FAM135B: variants seen among roughly 807,000 people sequenced by gnomAD.
FAM135B encodes the protein family with sequence similarity 135 member B, also known as protein FAM135B.
Under a neutral mutation model 127.7 loss-of-function variants are expected in FAM135B, and 43 were observed. The observed-to-expected ratio is 0.34, with a 90% CI of 0.26 to 0.43. The LOEUF is 0.43. FAM135B is among the 20% of genes least tolerant of loss of function. The pLI, the probability that FAM135B is intolerant of heterozygous loss-of-function variation, is 1.00. For synonymous variants in FAM135B, 670 were observed against 665.1 expected, an observed-to-expected ratio of 1.01 and a Z score of -0.11; for missense variants, 1,558 against 1,725.6, an observed-to-expected ratio of 0.90 and a Z score of 1.72.
At chr8:138,334,538 A>G (rs1368461382) in intron 2 of FAM135B, among the ~76,000 whole-genome samples, 1 of 151,132 alleles carries the variant, frequency 6.6e-6, no homozygotes, top group East Asian at 1.9e-4. Flanking sequence ...TATTCTTCCC[A>G]CTCCCAACCT....
chr8:138,461,478 C>G (rs1194264717), intron 1 of FAM135B, among the ~76,000 whole-genome samples: 1 of 152,118 alleles, frequency 6.6e-6, no homozygotes. Flanking sequence ...AATAAATTAC[C>G]ACAAACATAT....
At chr8:138,431,858 G>C (rs563905691) in intron 1 of FAM135B, among the ~76,000 whole-genome samples, 48 of 152,186 alleles carry the variant, frequency 3.2e-4, no homozygotes, top group Non-Finnish European at 6.2e-4. Flanking sequence ...GATTGACAGA[G>C]AGTCAAGAAG....
intron 2 of FAM135B, among the ~76,000 whole-genome samples, chr8:138,334,355 C>T (rs1157687607): frequency 6.6e-6 from 1 of 152,188 alleles, no homozygotes; most frequent in Admixed American, 6.5e-5. Context: ...AGCAAATATT[C>T]ACTTATTCAC....
rs192717194 is a variant in FAM135B at position 138,487,839 on chromosome 8, T to C, written c.-20+8832A>G. Among the ~76,000 whole-genome samples, 408 of 151,898 alleles carry C rather than the reference T, an allele frequency of 2.7e-3. 2 individuals carry two copies. Among genetic ancestry groups the C allele is most frequent in the African/African-American group, 9.5e-3 (393 of 41,424 alleles). On this transcript the variant is annotated intron_variant, in intron 1 of 19. Transcript: ENST00000395297. ...CAACAAGGGGAAATCCCTTATCTAC[T>C]AAAAATACAAAAAAATTAGCCAGGC...
intron 1 of FAM135B, among the ~76,000 whole-genome samples, chr8:138,391,362 C>T (rs1406521058): frequency 6.6e-6 from 1 of 151,880 alleles, no homozygotes; most frequent in Non-Finnish European, 1.5e-5. Flanking sequence ...ATGATCTCCC[C>T]TCAGTCCCAG....
intron 2 of FAM135B, chr8:138,358,243 A>T (rs532855755): frequency 1.3e-5 from 2 of 152,278 alleles, no homozygotes; most frequent in South Asian, 4.1e-4. Context: ...TCAAGATGGT[A>T]TTTGGGTGGG....
At chr8:138,333,212 C>G (rs1021035137) in intron 2 of FAM135B, among the ~76,000 whole-genome samples, 1 of 152,130 alleles carries the variant, frequency 6.6e-6, no homozygotes, top group African/African-American at 2.4e-5. Context: ...CCACAGAGCC[C>G]TGCAACACTT....
At chr8:138,450,508 T>C (rs997752644) in intron 1 of FAM135B, 3 of 152,202 alleles carry the variant, frequency 2.0e-5, no homozygotes, top group Admixed American at 6.5e-5. Context: ...TGCCAGCATT[T>C]GGTGGTGTTG....
intron 1 of FAM135B, among the ~76,000 whole-genome samples, chr8:138,462,731 G>T (rs1030207558): frequency 6.6e-6 from 1 of 152,122 alleles, no homozygotes; most frequent in African/African-American, 2.4e-5. Flanking sequence ...GAAAATGCTA[G>T]GGAATTATGC....
rs905919968 is a variant in FAM135B at position 138,242,595 on chromosome 8, A to G, written c.669+347T>C. On this transcript the variant is annotated intron_variant, in intron 7 of 19. Transcript: ENST00000395297. The surrounding 1 kb of genome is among the most constrained non-coding windows in gnomAD (Gnocchi z 9.6). ...GAGTGCACAAATGAAAGCGGGAGCC[A>G]GGTTTTGAAACCAGACATGGCCTTC... is the stretch of plus-strand genomic sequence containing the variant. Among the ~76,000 whole-genome samples the G allele has an allele frequency of 2.0e-5, 3 of 152,196 alleles. No individual in the cohort carries two copies. The highest frequency in any genetic ancestry group is 6.5e-5 in the Admixed American group (1 of 15,274).
chr8:138,206,943 T>A (rs891774964), intron 7 of FAM135B, among the ~76,000 whole-genome samples: 10 of 151,970 alleles, frequency 6.6e-5, no homozygotes, highest in Non-Finnish European at 1.2e-4. Context: ...AACTCCAGCA[T>A]CCCCTCCACC....
At chr8:138,172,406 C>T (rs1427465396) in intron 11 of FAM135B, among the ~76,000 whole-genome samples, 1 of 152,220 alleles carries the variant, frequency 6.6e-6, no homozygotes, top group Non-Finnish European at 1.5e-5. Flanking sequence ...CTGTAATGCA[C>T]TGTCCTCCTG....
intron 1 of FAM135B, among the ~76,000 whole-genome samples, chr8:138,444,537 G>T (rs924211163): frequency 4.6e-5 from 7 of 152,234 alleles, no homozygotes; most frequent in Admixed American, 1.3e-4. Flanking sequence ...TGAACAACCT[G>T]CTCCTGAATG....
chr8:138,462,701 G>T (rs767388176), intron 1 of FAM135B, among the ~76,000 whole-genome samples: 6 of 152,172 alleles, frequency 3.9e-5, no homozygotes, highest in Non-Finnish European at 7.3e-5. Flanking sequence ...AAGGGAGTTG[G>T]TGCCTTTTAA....
At chr8:138,150,903 G>C (rs964378040) in intron 13 of FAM135B, among the ~76,000 whole-genome samples, 43 of 151,854 alleles carry the variant, frequency 2.8e-4, no homozygotes, top group Admixed American at 9.8e-4. Context: ...TGTATAAAAA[G>C]CATAAATCAA....
chr8:138,199,300 A>G (rs1196542050), intron 7 of FAM135B, among the ~76,000 whole-genome samples: 1 of 152,222 alleles, frequency 6.6e-6, no homozygotes, highest in Non-Finnish European at 1.5e-5. Context: ...CTTGGATAGA[A>G]GTCTCAGGCC....
chr8:138,305,517 G>A (rs1229958934), intron 3 of FAM135B, among the ~76,000 whole-genome samples: 1 of 151,930 alleles, frequency 6.6e-6, no homozygotes, highest in Admixed American at 6.5e-5. Flanking sequence ...CCAATTATTT[G>A]TAACCCTGAA....
rs559921766 is a variant in FAM135B at position 138,473,322 on chromosome 8, C to T, written c.-20+23349G>A. ...AAAGTCTTCTCATAGCATTCCCTTA[C>T]TTAAAAATCCTTCAAGAGTCCGTGG... On this transcript the variant is annotated intron_variant, in intron 1 of 19. Coordinates refer to ENST00000395297, the MANE Select transcript of FAM135B (RefSeq NM_015912.4). Among the ~76,000 whole-genome samples, 4 of 152,258 alleles carry T rather than the reference C, an allele frequency of 2.6e-5. No homozygotes were observed. In the South Asian group the frequency reaches 6.2e-4, roughly 24 times the overall value.
At chr8:138,408,626 TGG>T in intron 1 of FAM135B, among the ~76,000 whole-genome samples, 1 of 152,216 alleles carries the variant, frequency 6.6e-6, no homozygotes, top group Non-Finnish European at 1.5e-5. Flanking sequence ...CTTGCATGGC[TGG>T]GGGGCCTTAG....
Sources: gnomAD v4.1 joint callset for allele counts (sites outside exome capture counted in the v4.1 genomes callset) on GRCh38, gnomAD v4.1.1 for gene constraint, Gnocchi (gnomAD v3.1) non-coding constraint, MANE v1.5 for transcripts, NCBI Gene and HGNC (gene_info 2026-07-23, HGNC 2026-07-21) for gene names.